The following MINDY2 variants were observed in gnomAD, a reference collection of about 807,000 sequenced individuals.
The protein encoded by MINDY2 is ubiquitin carboxyl-terminal hydrolase MINDY-2.
MINDY2 carries 52 observed loss-of-function variants against 68.2 expected under a neutral mutation model. The observed-to-expected ratio is 0.76, with a 90% CI of 0.61 to 0.96. The LOEUF (loss-of-function observed/expected upper bound fraction) is 0.96. Among genes scored for constraint, MINDY2 ranks in the 40% least tolerant of loss-of-function variants. The probability of loss-of-function intolerance (pLI) is 0.00; values close to 1 mark genes in which losing one functional copy is unlikely to be tolerated. For synonymous variants in MINDY2, 372 were observed against 303.0 expected, an observed-to-expected ratio of 1.23 and a Z score of -2.36; for missense variants, 881 against 773.4, an observed-to-expected ratio of 1.14 and a Z score of -1.65.
chr15:58,825,997 G>A (rs1424823356), intron 5 of MINDY2, among the ~76,000 whole-genome samples: 1 of 152,020 alleles, frequency 6.6e-6, no homozygotes, highest in Admixed American at 6.6e-5. Flanking sequence ...AATATTTATT[G>A]AGCCTTTATT....
chr15:58,782,043 A>G (rs541842408), intron 1 of MINDY2, among the ~76,000 whole-genome samples: 3 of 152,348 alleles, frequency 2.0e-5, no homozygotes, highest in South Asian at 2.1e-4. Flanking sequence ...AAAATGTAAA[A>G]CATGTGTAAT....
chr15:58,833,048 G>A (rs1277234127), intron 6 of MINDY2, among the ~76,000 whole-genome samples: 1 of 151,968 alleles, frequency 6.6e-6, no homozygotes, highest in Non-Finnish European at 1.5e-5. Context: ...AACATTTACT[G>A]TTTTACTCTT....
intron 2 of MINDY2, among the ~76,000 whole-genome samples, chr15:58,792,704 T>C (rs1214018772): frequency 6.6e-6 from 1 of 152,160 alleles, no homozygotes; most frequent in Non-Finnish European, 1.5e-5. Flanking sequence ...CAGATAAATA[T>C]AGATTTGTAC....
chr15:58,834,289 T>C (rs1185295318), intron 6 of MINDY2, among the ~76,000 whole-genome samples: 2 of 152,154 alleles, frequency 1.3e-5, no homozygotes, highest in Non-Finnish European at 2.9e-5. Context: ...CTCTCTCTTT[T>C]CCCCACAATA....
rs1337162393 is a variant in MINDY2, at chr15:58,857,146, T to C, written c.*2536T>C. 3 of 152,326 alleles carry C rather than the reference T, an allele frequency of 2.0e-5. No homozygotes were observed. The highest frequency in any genetic ancestry group is 2.1e-4 in the South Asian group (1 of 4,830). 9.4% of individuals were successfully genotyped at this position (152,326 alleles called of 1,614,324 possible). A position where few individuals can be genotyped will look rare whatever the true frequency, so the allele number is the denominator to read the frequency against. ...ATTTACTTTGATATACCAAGAATAA[T>C]AATGATAAAATGTTTGCTTTGATTA... On this transcript the variant is annotated 3_prime_UTR_variant, in exon 9 of 9. Coordinates refer to ENST00000559228, the MANE Select transcript of MINDY2 (RefSeq NM_001040450.3).
At chr15:58,801,157 A>G (rs1902624008) in intron 2 of MINDY2, among the ~76,000 whole-genome samples, 1 of 151,946 alleles carries the variant, frequency 6.6e-6, no homozygotes, top group African/African-American at 2.4e-5. Flanking sequence ...TATTTTTACT[A>G]GAAACAGGAT....
At chr15:58,795,615 A>G (rs1323173876) in intron 2 of MINDY2, among the ~76,000 whole-genome samples, 2 of 152,112 alleles carry the variant, frequency 1.3e-5, no homozygotes, top group African/African-American at 2.4e-5. Flanking sequence ...CGTGTTAGCC[A>G]GGATGGTCTC....
intron 1 of MINDY2, among the ~76,000 whole-genome samples, chr15:58,774,940 G>C (rs1382790909): frequency 1.3e-5 from 2 of 152,158 alleles, no homozygotes; most frequent in South Asian, 4.1e-4. Flanking sequence ...GTGGTTATCA[G>C]TGTTTTTTTT....
chr15:58,839,318 GTTTT>G (rs1198341401), intron 6 of MINDY2, among the ~76,000 whole-genome samples: 103 of 142,768 alleles, frequency 7.2e-4, no homozygotes, highest in East Asian at 1.2e-3. Context: ...AAGTTAGACT[GTTTT>G]TTTGTTTGTT....
chr15:58,820,248 G>C (rs1313386183), intron 4 of MINDY2, among the ~76,000 whole-genome samples: 1 of 151,800 alleles, frequency 6.6e-6, no homozygotes, highest in Non-Finnish European at 1.5e-5. Context: ...CCTGGCGACA[G>C]AGTGAGATTC....
At chr15:58,774,014 T>G (rs1900608702) in intron 1 of MINDY2, among the ~76,000 whole-genome samples, 1 of 152,220 alleles carries the variant, frequency 6.6e-6, no homozygotes, top group Admixed American at 6.5e-5. Context: ...GGAATAACTA[T>G]TATTTTCCTT....
chr15:58,803,794 C>T (rs1223559469), intron 3 of MINDY2, among the ~76,000 whole-genome samples: 1 of 151,546 alleles, frequency 6.6e-6, no homozygotes, highest in Admixed American at 6.6e-5. Context: ...CCGTCCTGGG[C>T]AGCAGAGGGA....
intron 2 of MINDY2, among the ~76,000 whole-genome samples, chr15:58,791,622 A>ATATG (rs1555428848): frequency 7.3e-5 from 10 of 136,670 alleles, no homozygotes; most frequent in African/African-American, 2.7e-4. Context: ...GTCTCAAAAT[A>ATATG]TGTGTGTGTG....
At chr15:58,839,810 TTA>T (rs545357492) in intron 6 of MINDY2, among the ~76,000 whole-genome samples, 1 of 152,168 alleles carries the variant, frequency 6.6e-6, no homozygotes, top group Non-Finnish European at 1.5e-5. Context: ...TTATTTATTT[TTA>T]CCACAGCTGA....
intron 4 of MINDY2, among the ~76,000 whole-genome samples, chr15:58,813,085 A>G (rs1182450037): frequency 1.3e-5 from 2 of 152,216 alleles, no homozygotes; most frequent in Non-Finnish European, 2.9e-5. Flanking sequence ...CATACTCACC[A>G]TAAGTCTCCA....
chr15:58,832,571 C>T (rs2031791359), intron 6 of MINDY2, among the ~76,000 whole-genome samples: 1 of 150,152 alleles, frequency 6.7e-6, no homozygotes, highest in African/African-American at 2.5e-5. Context: ...CTCTTGTTGC[C>T]CAGGCTGGAG....
At chr15:58,778,802 C>CT (rs1433678226) in intron 1 of MINDY2, among the ~76,000 whole-genome samples, 1 of 127,210 alleles carries the variant, frequency 7.9e-6, no homozygotes, top group African/African-American at 3.3e-5. Context: ...AATTTTTTTT[C>CT]TTTTTTTCTT....
chr15:58,798,180 G>A (rs113289264), intron 2 of MINDY2, among the ~76,000 whole-genome samples: 7 of 152,012 alleles, frequency 4.6e-5, no homozygotes, highest in African/African-American at 1.4e-4. Context: ...ATAATGGTGC[G>A]ATCTTGGCTC....
intron 6 of MINDY2, among the ~76,000 whole-genome samples, chr15:58,835,591 T>G (rs2031956064): frequency 6.6e-6 from 1 of 152,132 alleles, no homozygotes; most frequent in South Asian, 2.1e-4. Flanking sequence ...AGGTGGAGGT[T>G]GCAGTGAACT....
Sources: allele counts gnomAD v4.1 joint callset (sites outside exome capture counted in the v4.1 genomes callset), GRCh38; gene constraint gnomAD v4.1.1; transcripts MANE v1.5; gene names NCBI Gene and HGNC (gene_info 2026-07-23, HGNC 2026-07-21).